PITPNC1: variants seen among roughly 807,000 people sequenced by gnomAD.
PITPNC1 encodes cytoplasmic phosphatidylinositol transfer protein 1.
In PITPNC1, 18 loss-of-function variants were observed where a neutral mutation model predicts 44.7. That is an observed-to-expected ratio of 0.40 (90% CI 0.28 to 0.60). PITPNC1 has a LOEUF of 0.60. PITPNC1 is among the 20% of genes least tolerant of loss of function. PITPNC1 has a pLI of 0.39. For missense variants in PITPNC1, 290 were observed against 418.4 expected, an observed-to-expected ratio of 0.69 and a Z score of 2.68; for synonymous variants, 141 against 149.6, an observed-to-expected ratio of 0.94 and a Z score of 0.42.
intron 5 of PITPNC1, among the ~76,000 whole-genome samples, chr17:67,630,975 G>T (rs2041957935): frequency 6.6e-6 from 1 of 151,626 alleles, no homozygotes; most frequent in African/African-American, 2.4e-5. Context: ...GCCTCCCAAA[G>T]CGCTGCGATT....
intron 6 of PITPNC1, among the ~76,000 whole-genome samples, chr17:67,634,515 C>T (rs977032475): frequency 6.6e-6 from 1 of 151,978 alleles, no homozygotes; most frequent in African/African-American, 2.4e-5. Context: ...GAGATCACAA[C>T]AGAGTGAGAA....
intron 8 of PITPNC1, among the ~76,000 whole-genome samples, chr17:67,681,342 G>T (rs1227178284): frequency 1.3e-5 from 2 of 152,120 alleles, no homozygotes; most frequent in Admixed American, 6.5e-5. Context: ...GCCAGGTGTG[G>T]TTGTTCATAC....
At chr17:67,498,880 T>G (rs930397605) in intron 1 of PITPNC1, among the ~76,000 whole-genome samples, 10 of 8,996 alleles carry the variant, frequency 1.1e-3, no homozygotes, top group Middle Eastern at 0.1. Context: ...TTGTTTTTGT[T>G]TTTTTTTTTG....
At chr17:67,624,477 G>A (rs138745204) in intron 5 of PITPNC1, among the ~76,000 whole-genome samples, 32 of 152,124 alleles carry the variant, frequency 2.1e-4, no homozygotes, top group African/African-American at 7.7e-4. Flanking sequence ...GGGATTACGG[G>A]TGTGAGCCAC....
intron 6 of PITPNC1, among the ~76,000 whole-genome samples, chr17:67,652,240 T>A (rs780863904): frequency 1.3e-5 from 2 of 152,214 alleles, no homozygotes; most frequent in Non-Finnish European, 2.9e-5. Context: ...GCCTCCAAGA[T>A]GCAAGCTCAG....
chr17:67,521,151 G>C (rs2040320733), intron 1 of PITPNC1, among the ~76,000 whole-genome samples: 1 of 152,088 alleles, frequency 6.6e-6, no homozygotes, highest in Non-Finnish European at 1.5e-5. Flanking sequence ...AGGTTGTGCT[G>C]GTACCAGCAG....
chr17:67,494,119 G>T (rs369691326), intron 1 of PITPNC1, among the ~76,000 whole-genome samples: 29 of 144,754 alleles, frequency 2.0e-4, no homozygotes, highest in African/African-American at 7.2e-4. Context: ...TATGGTACAT[G>T]TTTCTTATCG....
intron 6 of PITPNC1, among the ~76,000 whole-genome samples, chr17:67,655,558 CAAAAAAAAAAAAAA>C (rs796111267): frequency 7.1e-5 from 3 of 42,084 alleles, no homozygotes; most frequent in South Asian, 1.3e-3. Context: ...AGACTCATCT[CAAAAAAAAAAAAAA>C]AAAAAAAAAA....
intron 1 of PITPNC1, among the ~76,000 whole-genome samples, chr17:67,415,400 C>T (rs762875917): frequency 3.9e-5 from 6 of 152,162 alleles, no homozygotes; most frequent in Non-Finnish European, 7.3e-5. Context: ...CGCACGTCAT[C>T]GTCTCCAAAT....
In PITPNC1 at chr17:67,508,005, G is replaced by A. The variant is rs73350001; in HGVS notation, c.49-24797G>A. ...ATGTCCAGGCCACCTAGTTGTCCCC[G>A]GAATCCTTAACCTCACAGGAAGTTA... is the stretch of plus-strand genomic sequence containing the variant. On this transcript the variant is annotated intron_variant, in intron 1 of 8. Transcript: ENST00000581322. The surrounding 1 kb of genome is among the most constrained non-coding windows in gnomAD (Gnocchi z 4.2). 8.5e-3 allele frequency among the ~76,000 whole-genome samples: 1,300 copies of A among 152,192 alleles called. 13 individuals carry two copies. Among genetic ancestry groups the A allele is most frequent in the African/African-American group, 0.029 (1,201 of 41,536 alleles).
chr17:67,669,568 G>A lies in PITPNC1; in HGVS notation c.523G>A (p.Asp175Asn). ...GRGQLREGWR[D>N]SHQPIMCSYK... ...GGGACAGTTGAGGGAAGGCTGGAGA[G>A]ATAGTCATCAGCCTATCATGTGCTC... The change falls in exon 7 of 9, where the codon GAT (aspartate) becomes AAT (asparagine). Residue 175 changes from aspartate (D) to asparagine (N), a missense_variant. By Grantham distance (23) the Asp-to-Asn change is conservative. Coordinates refer to ENST00000581322, the MANE Select transcript of PITPNC1 (RefSeq NM_012417.4). 6.2e-7 allele frequency: 1 copy of A among 1,608,234 alleles called. No individual in the cohort carries two copies. Among genetic ancestry groups the A allele is most frequent in the Admixed American group, 1.7e-5 (1 of 59,670 alleles).
intron 1 of PITPNC1, among the ~76,000 whole-genome samples, chr17:67,468,395 CT>C (rs2039458737): frequency 7.9e-6 from 1 of 126,296 alleles, no homozygotes; most frequent in Admixed American, 9.2e-5. Flanking sequence ...AGGTGGCTTT[CT>C]TTCCTTTTTT....
At chr17:67,689,179 G>C (rs2042876688) in intron 8 of PITPNC1, among the ~76,000 whole-genome samples, 1 of 151,998 alleles carries the variant, frequency 6.6e-6, no homozygotes, top group African/African-American at 2.4e-5. Context: ...TCCAGCCTGG[G>C]CAACAAGAGT....
rs368759054 is a variant in PITPNC1, at chr17:67,623,683, T to G, written c.367-8460T>G. Among the ~76,000 whole-genome samples, 12 of 152,310 alleles carry G rather than the reference T, an allele frequency of 7.9e-5. No homozygotes were observed. In the South Asian group the frequency reaches 2.5e-3, roughly 32 times the overall value. ...ACAGGCATGAGCCACCTTGCCCACC[T>G]TAGATTTTATTTTCTAGAGCAGTTT... On this transcript the variant is annotated intron_variant, in intron 5 of 8. Coordinates refer to ENST00000581322, the MANE Select transcript of PITPNC1 (RefSeq NM_012417.4).
chr17:67,579,629 T>C (rs1288931563), intron 5 of PITPNC1, among the ~76,000 whole-genome samples: 4 of 147,624 alleles, frequency 2.7e-5, no homozygotes, highest in East Asian at 3.9e-4. Context: ...TTTTTTTTTT[T>C]TTTTTTTTTT....
intron 1 of PITPNC1, among the ~76,000 whole-genome samples, chr17:67,507,683 C>CAAAAAA (rs59838492): frequency 1.3e-5 from 1 of 79,496 alleles, no homozygotes; most frequent in African/African-American, 5.3e-5. Flanking sequence ...GACTTGGTCT[C>CAAAAAA]AAAAAAAAAA....
chr17:67,653,693 C>T (rs2042233506), intron 6 of PITPNC1, among the ~76,000 whole-genome samples: 1 of 145,372 alleles, frequency 6.9e-6, no homozygotes, highest in South Asian at 2.3e-4. Context: ...CTGAAGCCTC[C>T]AAGGTGTTGC....
intron 1 of PITPNC1, among the ~76,000 whole-genome samples, chr17:67,468,959 C>T (rs2039472744): frequency 6.6e-6 from 1 of 152,082 alleles, no homozygotes. Context: ...AAACTCCTGA[C>T]CTCAGGTGAT....
chr17:67,420,181 A>G (rs764279717), intron 1 of PITPNC1, among the ~76,000 whole-genome samples: 2 of 152,184 alleles, frequency 1.3e-5, no homozygotes, highest in African/African-American at 4.8e-5. Flanking sequence ...TCTTTTCATG[A>G]CAAGTTTTGT....
Sources: allele counts gnomAD v4.1 joint callset (sites outside exome capture counted in the v4.1 genomes callset), GRCh38; gene constraint gnomAD v4.1.1; non-coding constraint Gnocchi (gnomAD v3.1); transcripts MANE v1.5; gene names NCBI Gene and HGNC (gene_info 2026-07-23, HGNC 2026-07-21).